Variants in PCDHGB7 observed in about 807,000 individuals in gnomAD.
The protein encoded by PCDHGB7 is protocadherin gamma-B7.
PCDHGB7 carries 37 observed loss-of-function variants against 61.4 expected under a neutral mutation model. The ratio of observed to expected loss-of-function variants is 0.60; its 90% confidence interval spans 0.46 to 0.79. The LOEUF (loss-of-function observed/expected upper bound fraction) is 0.79, where lower values mean the gene tolerates loss of function less well. Ranked by LOEUF, PCDHGB7 falls within the 30% of genes least tolerant of loss-of-function variation. The pLI is 0.00. For missense variants in PCDHGB7, 1,166 were observed against 1,202.5 expected (o/e 0.97, Z 0.45); for synonymous variants, 464 against 503.5 (o/e 0.92, Z 1.05).
chr5:141,435,952 G>A lies in PCDHGB7; in HGVS notation c.2415+15678G>A, dbSNP rs944960593. ...TTGCTGCTTCTGAGACCAAAAAAGG[G>A]GGCAAAATATAGAGTGTGTGGTTCT... is the stretch of plus-strand genomic sequence containing the variant. On this transcript the variant is annotated intron_variant, in intron 1 of 3. Transcript: ENST00000398594. Among the ~76,000 whole-genome samples the A allele has an allele frequency of 2.6e-5, 4 of 152,098 alleles. No individual in the cohort carries two copies. The South Asian group carries it at 8.3e-4, about 32-fold the overall frequency.
At chr5:141,446,129 A>C (rs1488078150) in intron 1 of PCDHGB7, among the ~76,000 whole-genome samples, 1 of 152,204 alleles carries the variant, frequency 6.6e-6, no homozygotes, top group Non-Finnish European at 1.5e-5. Flanking sequence ...GTTCAATAAG[A>C]CTTAATAATG....
rs769578436 is a variant in PCDHGB7, at chr5:141,418,013, A to G, written c.154A>G (p.Lys52Glu). ...GGGCTCGGTGGTGGGGAACCTCGCT[A>G]AGGATCTAGGGCTTAGTGTCCTGGA... ...AKGSVVGNLA[K>E]DLGLSVLDVS... Residue 52 changes from lysine to glutamate, a missense_variant, in exon 1 of 4, where the codon AAG becomes GAG. Physicochemically the swap from Lys to Glu is moderately conservative, Grantham distance 56. Transcript: ENST00000398594. 2.8e-5 allele frequency: 45 copies of G among 1,613,788 alleles called. No homozygotes were observed. The highest frequency in any genetic ancestry group is 4.0e-5 in the African/African-American group (3 of 74,934).
At chr5:141,462,217 C>T (rs1469685983) in intron 1 of PCDHGB7, among the ~76,000 whole-genome samples, 1 of 152,216 alleles carries the variant, frequency 6.6e-6, no homozygotes, top group South Asian at 2.1e-4. Flanking sequence ...GCCTCGGCCT[C>T]CCAAAGTGCA....
intron 1 of PCDHGB7, chr5:141,428,437 C>G: frequency 2.5e-6 from 1 of 400,386 alleles, no homozygotes; most frequent in East Asian, 5.4e-5. Flanking sequence ...TAAGACTAGA[C>G]CAGGGGTTTT....
rs368153419 is a variant in PCDHGB7 at position 141,476,458 on chromosome 5, C to T, written c.2416-18349C>T. 1 of 1,614,044 alleles carries T rather than the reference C, an allele frequency of 6.2e-7. No homozygotes were observed. Among genetic ancestry groups the T allele is most frequent in the Non-Finnish European group, 8.5e-7 (1 of 1,180,014 alleles). On this transcript the variant is annotated intron_variant, in intron 1 of 3. Coordinates refer to ENST00000398594, the MANE Select transcript of PCDHGB7 (RefSeq NM_018927.4). The surrounding 1 kb of genome is among the most constrained non-coding windows in gnomAD (Gnocchi z 7.6). ...TAACTCTGGAGTTGGTAGTGGAGAA[C>T]CCGCTGGAGCTGTTCAGCGTGGAAG...
chr5:141,451,112 G>A (rs776356458), intron 1 of PCDHGB7, among the ~76,000 whole-genome samples: 9 of 152,236 alleles, frequency 5.9e-5, no homozygotes, highest in Admixed American at 1.3e-4. Flanking sequence ...ACAGGCGTGA[G>A]CCACCACACC....
chr5:141,511,328 A>G lies in PCDHGB7; in HGVS notation c.*155A>G. On this transcript the variant is annotated 3_prime_UTR_variant, in exon 4 of 4. Transcript: ENST00000398594. Reference sequence around the variant, plus strand: ...CCTTGGGAAACAGAAACAAGTGCCCAGTCAGCACCTACCCCTTCCCCCCCA... The same window carrying G: ...CCTTGGGAAACAGAAACAAGTGCCCGGTCAGCACCTACCCCTTCCCCCCCA... The G allele has an allele frequency of 6.9e-7, 1 of 1,456,862 alleles. No individual in the cohort carries two copies. Among genetic ancestry groups the G allele is most frequent in the Non-Finnish European group, 9.1e-7 (1 of 1,093,622 alleles). 90.2% of individuals were successfully genotyped at this position (1,456,862 alleles called of 1,614,324 possible).
At chr5:141,495,814 T>C (rs2099764028) in intron 2 of PCDHGB7, among the ~76,000 whole-genome samples, 1 of 152,134 alleles carries the variant, frequency 6.6e-6, no homozygotes, top group Non-Finnish European at 1.5e-5. Context: ...TCCTAGCGCC[T>C]TGTGTTCTTC....
Position 141,490,520 on chromosome 5 carries a change from G to A in PCDHGB7, c.2416-4287G>A. 1 of 1,614,072 alleles carries A rather than the reference G, an allele frequency of 6.2e-7. No individual in the cohort carries two copies. Among genetic ancestry groups the A allele is most frequent in the Non-Finnish European group, 8.5e-7 (1 of 1,180,014 alleles). ...CACTATATCATCGAGCTGCTGGCCAGCGATGCTGGTTCACCTTCCCTACAC... is the reference window on the plus strand; with the variant it reads ...CACTATATCATCGAGCTGCTGGCCAACGATGCTGGTTCACCTTCCCTACAC... On this transcript the variant is annotated intron_variant, in intron 1 of 3. Coordinates refer to ENST00000398594, the MANE Select transcript of PCDHGB7 (RefSeq NM_018927.4). The surrounding 1 kb of genome is among the most constrained non-coding windows in gnomAD (Gnocchi z 5.4).
chr5:141,490,688 CTG>C lies in PCDHGB7; in HGVS notation c.2416-4118_2416-4117del. 6.2e-7 allele frequency: 1 copy of C among 1,614,218 alleles called. No homozygotes were observed. On this transcript the variant is annotated intron_variant, in intron 1 of 3. Coordinates refer to ENST00000398594, the MANE Select transcript of PCDHGB7 (RefSeq NM_018927.4). This position sits in a 1 kb window ranked among gnomAD's most constrained non-coding sequence, Gnocchi z 5.4. ...ACTGTGGCTGCCTCAGATCCAGACA[CTG>C]GGGATAATGCCCGCCTCACCTACTC... is the stretch of plus-strand genomic sequence containing the variant.
chr5:141,470,021 C>T (rs111919483), intron 1 of PCDHGB7, among the ~76,000 whole-genome samples: 8 of 152,156 alleles, frequency 5.3e-5, no homozygotes, highest in African/African-American at 1.9e-4. Flanking sequence ...CCCAGCTACT[C>T]GGGATGCTGA....
At chr5:141,443,728 C>T (rs1434984241) in intron 1 of PCDHGB7, among the ~76,000 whole-genome samples, 1 of 152,060 alleles carries the variant, frequency 6.6e-6, no homozygotes, top group Admixed American at 6.5e-5. Flanking sequence ...ATTCCTCATA[C>T]ATTTCCCTAT....
At chr5:141,482,382 T>C (rs935517099) in intron 1 of PCDHGB7, among the ~76,000 whole-genome samples, 1 of 152,146 alleles carries the variant, frequency 6.6e-6, no homozygotes, top group Admixed American at 6.6e-5. Context: ...ATAAAGTCCC[T>C]GTATGGAGCA....
chr5:141,431,002 C>A lies in PCDHGB7; in HGVS notation c.2415+10728C>A, dbSNP rs1055964066. The A allele has an allele frequency of 6.2e-7, 1 of 1,613,836 alleles. No individual in the cohort carries two copies. Among genetic ancestry groups the A allele is most frequent in the Admixed American group, 1.7e-5 (1 of 59,990 alleles). The stretch of plus-strand genomic sequence containing the variant: ...AGCTTTTCGCCCTGAATCCGCGCAG[C>A]GGCAGCTTGGTCACGGCGGGCAGGA... On this transcript the variant is annotated intron_variant, in intron 1 of 3. Transcript: ENST00000398594. The surrounding 1 kb of genome is among the most constrained non-coding windows in gnomAD (Gnocchi z 4.8).
intron 1 of PCDHGB7, chr5:141,433,110 G>T (rs1031253372): frequency 1.2e-6 from 2 of 1,614,098 alleles, no homozygotes; most frequent in East Asian, 4.5e-5. Context: ...AGCCAGGAGA[G>T]CTTTGAAAAA....
chr5:141,458,394 T>A (rs2098944697), intron 1 of PCDHGB7, among the ~76,000 whole-genome samples: 1 of 152,062 alleles, frequency 6.6e-6, no homozygotes, highest in African/African-American at 2.4e-5. Context: ...ACGCTCCCCC[T>A]TGCAGAGACG....
In PCDHGB7 at chr5:141,420,160, T is replaced by G; in HGVS notation, c.2301T>G (p.Phe767Leu). Reference sequence around the variant, plus strand: ...ATCAAATGAATCCAGAATTTAATTTTTTCACATCTGTTGATCATTGTCCAG... The same window carrying G: ...ATCAAATGAATCCAGAATTTAATTTGTTCACATCTGTTGATCATTGTCCAG... The part of the protein sequence containing the change: ...PGDQMNPEFN[F>L]FTSVDHCPAT... Residue 767 changes from phenylalanine (F) to leucine (L), a missense_variant, in exon 1 of 4, where the codon TTT becomes TTG. By Grantham distance (22) the Phe-to-Leu change is conservative. Coordinates refer to ENST00000398594, the MANE Select transcript of PCDHGB7 (RefSeq NM_018927.4). The G allele has an allele frequency of 6.2e-7, 1 of 1,614,044 alleles. No individual in the cohort carries two copies. Among genetic ancestry groups the G allele is most frequent in the Non-Finnish European group, 8.5e-7 (1 of 1,179,896 alleles).
intron 1 of PCDHGB7, chr5:141,478,026 C>G: frequency 6.2e-7 from 1 of 1,614,180 alleles, no homozygotes; most frequent in Non-Finnish European, 8.5e-7. Flanking sequence ...GTCCAAGACA[C>G]AGATTCACCC....
chr5:141,511,823 G>A lies in PCDHGB7; in HGVS notation c.*650G>A, dbSNP rs1490513046. On this transcript the variant is annotated 3_prime_UTR_variant, in exon 4 of 4. Transcript: ENST00000398594. ...TTTTGCTACCAAGCCTCTTCCCAACGCCCTGGGGACCAGTCTTCTGTTTTG... is the reference window on the plus strand; with the variant it reads ...TTTTGCTACCAAGCCTCTTCCCAACACCCTGGGGACCAGTCTTCTGTTTTG... 4 of 156,728 alleles carry A rather than the reference G, an allele frequency of 2.6e-5. No homozygotes were observed. The highest frequency in any genetic ancestry group is 3.2e-3 in the Middle Eastern group (1 of 316). 9.7% of individuals were successfully genotyped at this position (156,728 alleles called of 1,614,324 possible). A position where few individuals can be genotyped will look rare whatever the true frequency, so the allele number is the denominator to read the frequency against.
Sources: gnomAD v4.1 joint callset for allele counts (sites outside exome capture counted in the v4.1 genomes callset) on GRCh38, gnomAD v4.1.1 for gene constraint, Gnocchi (gnomAD v3.1) non-coding constraint, MANE v1.5 for transcripts, NCBI Gene and HGNC (gene_info 2026-07-23, HGNC 2026-07-21) for gene names.